The following BANK1 variants were observed in gnomAD, a reference collection of about 807,000 sequenced individuals.
BANK1 encodes B-cell scaffold protein with ankyrin repeats.
A neutral mutation model predicts 94.5 loss-of-function variants in BANK1; 95 were observed. The observed-to-expected ratio is 1.00, with a 90% CI of 0.85 to 1.19. The LOEUF (loss-of-function observed/expected upper bound fraction) is 1.19, where lower values mean the gene tolerates loss of function less well. Among genes scored for constraint, BANK1 ranks in the 50% most tolerant of loss-of-function variants. BANK1 has a pLI of 0.00. For missense variants in BANK1, 987 were observed against 932.2 expected (o/e 1.06, Z -0.77); for synonymous variants, 334 against 308.4 (o/e 1.08, Z -0.87).
intron 7 of BANK1, among the ~76,000 whole-genome samples, chr4:101,980,862 T>C (rs1386978851): frequency 1.3e-5 from 2 of 152,040 alleles, no homozygotes; most frequent in African/African-American, 4.8e-5. Context: ...TGAATTGGTC[T>C]TCATCAGGAT....
intron 5 of BANK1, among the ~76,000 whole-genome samples, chr4:101,884,252 T>C (rs575940993): frequency 1.3e-5 from 2 of 152,332 alleles, no homozygotes; most frequent in Middle Eastern, 3.4e-3. Flanking sequence ...TCAGTTATGC[T>C]CAAGTCTTTC....
chr4:101,943,599 T>A (rs1454922258), intron 7 of BANK1, among the ~76,000 whole-genome samples: 1 of 151,804 alleles, frequency 6.6e-6, no homozygotes, highest in Non-Finnish European at 1.5e-5. Flanking sequence ...GGGAGAAATA[T>A]GAGCTCAATT....
chr4:101,959,829 A>AT (rs1414337055), intron 7 of BANK1, among the ~76,000 whole-genome samples: 2 of 152,144 alleles, frequency 1.3e-5, no homozygotes, highest in South Asian at 2.1e-4. Context: ...CTGCTATATA[A>AT]TTTTTTTAAA....
intron 6 of BANK1, among the ~76,000 whole-genome samples, chr4:101,907,760 A>T (rs1353854145): frequency 1.3e-5 from 2 of 152,204 alleles, no homozygotes; most frequent in Non-Finnish European, 2.9e-5. Flanking sequence ...ATACACCAAT[A>T]ACAGACAAAC....
At chr4:101,924,955 T>C (rs1461555994) in intron 7 of BANK1, among the ~76,000 whole-genome samples, 1 of 151,736 alleles carries the variant, frequency 6.6e-6, no homozygotes, top group Non-Finnish European at 1.5e-5. Flanking sequence ...CTTCCCTCAA[T>C]TGAATAATTA....
chr4:101,850,153 CTG>C (rs1727417735), intron 2 of BANK1, among the ~76,000 whole-genome samples: 1 of 152,194 alleles, frequency 6.6e-6, no homozygotes, highest in South Asian at 2.1e-4. Context: ...TCTTGATAAA[CTG>C]TAAAAACTCA....
At chr4:101,847,844 C>A (rs564928614) in intron 2 of BANK1, among the ~76,000 whole-genome samples, 1 of 152,066 alleles carries the variant, frequency 6.6e-6, no homozygotes, top group Admixed American at 6.6e-5. Flanking sequence ...ACGATTTTGC[C>A]GGATTCGCTC....
At chr4:101,943,701 G>T (rs1369242698) in intron 7 of BANK1, among the ~76,000 whole-genome samples, 1 of 151,830 alleles carries the variant, frequency 6.6e-6, no homozygotes, top group Non-Finnish European at 1.5e-5. Context: ...AGTGGATATA[G>T]TAGAGATAGT....
intron 6 of BANK1, among the ~76,000 whole-genome samples, chr4:101,915,695 G>C (rs1014361030): frequency 6.6e-6 from 1 of 152,024 alleles, no homozygotes; most frequent in African/African-American, 2.4e-5. Flanking sequence ...TTTCCACTAC[G>C]ATATTTTATG....
intron 7 of BANK1, among the ~76,000 whole-genome samples, chr4:101,969,230 A>C (rs191330588): frequency 8.5e-5 from 13 of 152,232 alleles, no homozygotes; most frequent in African/African-American, 2.9e-4. Context: ...ATGGAAAAGC[A>C]AAGATCTTTT....
chr4:102,035,519 G>A (rs1254488604), intron 10 of BANK1, among the ~76,000 whole-genome samples: 4 of 152,000 alleles, frequency 2.6e-5, no homozygotes, highest in Non-Finnish European at 1.5e-5. Flanking sequence ...ATGGTGGCGG[G>A]TGCCTGTAGT....
At chr4:102,029,303 C>T (rs1449465040) in intron 9 of BANK1, among the ~76,000 whole-genome samples, 1 of 151,918 alleles carries the variant, frequency 6.6e-6, no homozygotes, top group African/African-American at 2.4e-5. Flanking sequence ...ACTAATGGTG[C>T]CTTTGGCTAT....
chr4:101,838,752 T>A (rs1045978435), intron 2 of BANK1, among the ~76,000 whole-genome samples: 37 of 152,220 alleles, frequency 2.4e-4, no homozygotes, highest in African/African-American at 7.7e-4. Flanking sequence ...ATCATACCTT[T>A]GAGCTGTGTT....
chr4:101,943,970 G>T (rs1723838443), intron 7 of BANK1, among the ~76,000 whole-genome samples: 2 of 151,596 alleles, frequency 1.3e-5, no homozygotes, highest in South Asian at 4.2e-4. Context: ...TATGCAGTTT[G>T]CTTTAAATAG....
chr4:101,830,918 A>G (rs1225651539), intron 2 of BANK1, among the ~76,000 whole-genome samples: 1 of 151,830 alleles, frequency 6.6e-6, no homozygotes, highest in Non-Finnish European at 1.5e-5. Context: ...AAAGTTGGCT[A>G]TTTTTTTTGG....
At chr4:102,040,294 A>G (rs917196060) in intron 10 of BANK1, among the ~76,000 whole-genome samples, 9 of 152,056 alleles carry the variant, frequency 5.9e-5, no homozygotes, top group Non-Finnish European at 1.2e-4. Context: ...TCTAGAGAAA[A>G]TTTTACAGAA....
At chr4:101,947,838 A>G (rs572321079) in intron 7 of BANK1, among the ~76,000 whole-genome samples, 36 of 152,038 alleles carry the variant, frequency 2.4e-4, no homozygotes, top group Non-Finnish European at 4.4e-4. Flanking sequence ...AAATGAATCA[A>G]TCATATAAAA....
intron 6 of BANK1, among the ~76,000 whole-genome samples, chr4:101,916,665 T>G (rs1403317671): frequency 6.6e-6 from 1 of 152,068 alleles, no homozygotes; most frequent in Non-Finnish European, 1.5e-5. Flanking sequence ...TTATTTGTAT[T>G]TGTAAAACAA....
At chr4:101,931,510 C>T (rs1378344683) in intron 7 of BANK1, among the ~76,000 whole-genome samples, 1 of 151,526 alleles carries the variant, frequency 6.6e-6, no homozygotes, top group African/African-American at 2.4e-5. Context: ...TAAAACCACA[C>T]CATTGGCTTT....
Sources: gnomAD v4.1 joint callset for allele counts (sites outside exome capture counted in the v4.1 genomes callset) on GRCh38, gnomAD v4.1.1 for gene constraint, MANE v1.5 for transcripts, NCBI Gene and HGNC (gene_info 2026-07-23, HGNC 2026-07-21) for gene names.